Variants in SIN3B observed in about 807,000 individuals in gnomAD.
The protein encoded by SIN3B is paired amphipathic helix protein Sin3b.
SIN3B carries 19 observed loss-of-function variants against 120.2 expected under a neutral mutation model. That is an observed-to-expected ratio of 0.16 (90% CI 0.11 to 0.23). The LOEUF (loss-of-function observed/expected upper bound fraction) is 0.23, where lower values mean the gene tolerates loss of function less well. Ranked by LOEUF, SIN3B falls within the 10% of genes least tolerant of loss-of-function variation. SIN3B has a pLI of 1.00. For missense variants in SIN3B, 1,073 were observed against 1,573.0 expected (o/e 0.68, Z 5.38); for synonymous variants, 654 against 653.2 (o/e 1.00, Z -0.02).
Position 16,841,907 on chromosome 19 carries a change from C to T in SIN3B, c.521C>T (p.Thr174Ile). 6.2e-7 allele frequency: 1 copy of T among 1,614,100 alleles called. No homozygotes were observed. The highest frequency in any genetic ancestry group is 8.5e-7 in the Non-Finnish European group (1 of 1,180,016). The change falls in exon 4 of 19, where the codon ACC becomes ATC. Residue 174 changes from threonine (T) to isoleucine (I), a missense_variant. Transcript: ENST00000248054. ...NAISYVNKIK[T>I]RFLDHPEIYR... ...ATCAGCTATGTGAATAAGATTAAAA[C>T]CCGCTTCCTAGACCACCCAGAAATC... is the stretch of plus-strand genomic sequence containing the variant.
chr19:16,845,224 T>C (rs1457675284), intron 4 of SIN3B, among the ~76,000 whole-genome samples: 1 of 152,204 alleles, frequency 6.6e-6, no homozygotes, highest in East Asian at 1.9e-4. Context: ...GATCACTCAA[T>C]TTCCTTCTAA....
rs1389108749 is a variant in SIN3B, at chr19:16,862,576, C to T, written c.1266+17C>T. Reference sequence around the variant, plus strand: ...TGCAAGGAGGTAGCGCTCCCTGGGGCTCAAATGTTCGTTGACATGGTGCAT... The same window carrying T: ...TGCAAGGAGGTAGCGCTCCCTGGGGTTCAAATGTTCGTTGACATGGTGCAT... On this transcript the variant is annotated intron_variant, in intron 9 of 18. Transcript: ENST00000248054. The surrounding 1 kb of genome is among the most constrained non-coding windows in gnomAD (Gnocchi z 4.7). 1.2e-6 allele frequency: 2 copies of T among 1,604,932 alleles called. No homozygotes were observed. The highest frequency in any genetic ancestry group is 1.7e-5 in the Admixed American group (1 of 59,600).
At chr19:16,863,228 G>A in intron 9 of SIN3B, 2 of 527,314 alleles carry the variant, frequency 3.8e-6, no homozygotes. Context: ...TTCCTCATCT[G>A]TGGTTTCAAC....
At chr19:16,875,551 TTTGG>T (rs1291128319) in intron 14 of SIN3B, among the ~76,000 whole-genome samples, 1 of 132,354 alleles carries the variant, frequency 7.6e-6, no homozygotes. Flanking sequence ...GTCTGGTCTG[TTTGG>T]TCTGGTCTGG....
intron 8 of SIN3B, among the ~76,000 whole-genome samples, chr19:16,856,575 AT>A (rs920472871): frequency 1.1e-3 from 161 of 146,292 alleles, no homozygotes; most frequent in Middle Eastern, 3.6e-3. Context: ...ACACGTGAAG[AT>A]TTTTTTTTTT....
chr19:16,845,050 G>C (rs1971462889), intron 4 of SIN3B, among the ~76,000 whole-genome samples: 1 of 152,198 alleles, frequency 6.6e-6, no homozygotes, highest in African/African-American at 2.4e-5. Flanking sequence ...TAGAAGAGAA[G>C]CAAACAGAAA....
intron 11 of SIN3B, among the ~76,000 whole-genome samples, chr19:16,866,088 A>G (rs1228781186): frequency 1.3e-5 from 2 of 152,178 alleles, no homozygotes; most frequent in African/African-American, 2.4e-5. Flanking sequence ...CTTGGGACTC[A>G]CAGCTGAGCA....
Position 16,831,539 on chromosome 19 carries a change from C to T in SIN3B, c.273C>T (p.His91=), listed in dbSNP as rs145884472. The stretch of plus-strand genomic sequence containing the variant: ...TCAGACGTGTCTCGCAGCTCTTCCA[C>T]GAGCACCCTGACCTCATTGTTGGAT... ...GVIRRVSQLF[H]EHPDLIVGFN... The change falls in exon 3 of 19, where the codon CAC becomes CAT. Residue 91 remains histidine (H), a synonymous_variant. Coordinates refer to ENST00000248054, the MANE Select transcript of SIN3B (RefSeq NM_001297595.2). 1.4e-5 allele frequency: 22 copies of T among 1,613,956 alleles called. No individual in the cohort carries two copies. The highest frequency in any genetic ancestry group is 1.3e-4 in the African/African-American group (10 of 74,942).
chr19:16,843,827 G>T (rs948945315), intron 4 of SIN3B, among the ~76,000 whole-genome samples: 29 of 148,214 alleles, frequency 2.0e-4, no homozygotes, highest in African/African-American at 7.0e-4. Flanking sequence ...ATCAGGGCCC[G>T]CCCGGCATCG....
At chr19:16,869,358 A>C (rs1233429192) in intron 12 of SIN3B, 102 bp from the exon 13 acceptor site, 20 of 1,436,328 alleles carry the variant, frequency 1.4e-5, no homozygotes, top group Non-Finnish European at 1.7e-5. Flanking sequence ...GGCAGCGCTC[A>C]TCCACCTTGG....
intron 3 of SIN3B, among the ~76,000 whole-genome samples, 176 bp downstream of exon 3, chr19:16,831,823 C>T (rs182103445): frequency 2.6e-5 from 4 of 152,322 alleles, no homozygotes; most frequent in Admixed American, 2.0e-4. Context: ...AACACCTACA[C>T]AAGCAGCCTC....
intron 3 of SIN3B, among the ~76,000 whole-genome samples, chr19:16,839,159 G>T (rs1262151874): frequency 6.6e-6 from 1 of 151,864 alleles, no homozygotes; most frequent in Non-Finnish European, 1.5e-5. Context: ...GTGGAGACGG[G>T]GTTTTGCAAT....
At chr19:16,852,709 TC>T (rs1338931684) in intron 6 of SIN3B, among the ~76,000 whole-genome samples, 1 of 152,180 alleles carries the variant, frequency 6.6e-6, no homozygotes, top group Non-Finnish European at 1.5e-5. Flanking sequence ...GCCACCCTCT[TC>T]CTGTCCGCTT....
intron 8 of SIN3B, among the ~76,000 whole-genome samples, chr19:16,856,051 T>A (rs1312926074): frequency 6.6e-6 from 1 of 152,170 alleles, no homozygotes; most frequent in Non-Finnish European, 1.5e-5. Flanking sequence ...AGTGAGACCC[T>A]GTATCCAAAA....
rs544617836 is a variant in SIN3B at position 16,847,660 on chromosome 19, T to C, written c.726+547T>C. Among the ~76,000 whole-genome samples, 104 of 152,266 alleles carry C rather than the reference T, an allele frequency of 6.8e-4. 1 individual carries two copies. The South Asian group carries it at 0.021, about 30-fold the overall frequency. The stretch of plus-strand genomic sequence containing the variant: ...GGGCTCACCCTGCACAGTCAGCCTT[T>C]CTCCCCTGCCTGTGGCCTGAAGCTG... On this transcript the variant is annotated intron_variant, in intron 5 of 18. Coordinates refer to ENST00000248054, the MANE Select transcript of SIN3B (RefSeq NM_001297595.2).
chr19:16,867,260 G>A (rs1971788987), intron 12 of SIN3B, among the ~76,000 whole-genome samples: 1 of 152,206 alleles, frequency 6.6e-6, no homozygotes, highest in Non-Finnish European at 1.5e-5. Flanking sequence ...TTACCAGTGG[G>A]GAAACTGAGG....
At chr19:16,838,964 G>A (rs1378298409) in intron 3 of SIN3B, among the ~76,000 whole-genome samples, 3 of 121,698 alleles carry the variant, frequency 2.5e-5, no homozygotes, top group Admixed American at 8.5e-5. Context: ...CAGCCACCGC[G>A]CCTGGCTTTT....
chr19:16,838,888 A>G (rs1036227752), intron 3 of SIN3B, among the ~76,000 whole-genome samples: 2 of 145,554 alleles, frequency 1.4e-5, no homozygotes, highest in African/African-American at 5.1e-5. Context: ...TGGCCAGGCT[A>G]GTCTTGAACT....
rs758067163 is a variant in SIN3B, at chr19:16,847,096, G to A, written c.709G>A (p.Glu237Lys). 1.9e-6 allele frequency: 3 copies of A among 1,612,588 alleles called. No homozygotes were observed. The highest frequency in any genetic ancestry group is 2.5e-6 in the Non-Finnish European group (3 of 1,178,764). ...CTCAGAGTTTGGACAGTTCCTGCCCGAAGCCAAGCGGTCTCTGGTGAGTGC... is the reference window on the plus strand; with the variant it reads ...CTCAGAGTTTGGACAGTTCCTGCCCAAAGCCAAGCGGTCTCTGGTGAGTGC... Reference protein sequence around the residue: ...LLSEFGQFLPEAKRSLFTGNG... With the variant: ...LLSEFGQFLPKAKRSLFTGNG... Residue 237 changes from glutamate (E) to lysine (K), a missense_variant, in exon 5 of 19, where the codon GAA becomes AAA. Transcript: ENST00000248054.
Sources: allele counts gnomAD v4.1 joint callset (sites outside exome capture counted in the v4.1 genomes callset), GRCh38; gene constraint gnomAD v4.1.1; non-coding constraint Gnocchi (gnomAD v3.1); transcripts MANE v1.5; gene names NCBI Gene and HGNC (gene_info 2026-07-23, HGNC 2026-07-21).